The following SMAD2 variants were observed in gnomAD, a reference collection of about 807,000 sequenced individuals.
SMAD2 encodes MAD homolog 2.
A neutral mutation model predicts 64.4 loss-of-function variants in SMAD2; 8 were observed. The ratio of observed to expected loss-of-function variants is 0.12; its 90% CI spans 0.07 to 0.22. The LOEUF (loss-of-function observed/expected upper bound fraction) is 0.22, where lower values mean the gene tolerates loss of function less well. SMAD2 is among the 10% of genes least tolerant of loss of function. SMAD2 has a pLI of 1.00. For missense variants in SMAD2, 289 were observed against 561.2 expected (o/e 0.51, Z 4.90); for synonymous variants, 203 against 195.8 (o/e 1.04, Z -0.31).
intron 2 of SMAD2, among the ~76,000 whole-genome samples, chr18:47,877,755 AT>A (rs71162899): frequency 6.6e-6 from 1 of 152,114 alleles, no homozygotes; most frequent in Non-Finnish European, 1.5e-5. Flanking sequence ...GGTGCAAATG[AT>A]TTTTTAAGTT....
chr18:47,930,131 G>C (rs953683425), intron 1 of SMAD2: 2 of 152,346 alleles, frequency 1.3e-5, no homozygotes, highest in Non-Finnish European at 2.9e-5. Context: ...AAGGGACGCA[G>C]GCAGCCCCCG....
chr18:47,882,745 C>T (rs2032681728), intron 2 of SMAD2, among the ~76,000 whole-genome samples: 1 of 152,144 alleles, frequency 6.6e-6, no homozygotes, highest in African/African-American at 2.4e-5. Context: ...CCATGTGGGC[C>T]TGAAGTTTCC....
At chr18:47,927,173 C>G (rs1479162724) in intron 1 of SMAD2, among the ~76,000 whole-genome samples, 1 of 152,192 alleles carries the variant, frequency 6.6e-6, no homozygotes, top group Admixed American at 6.5e-5. Flanking sequence ...AAATTAAGGT[C>G]AGATGAAGCT....
intron 2 of SMAD2, among the ~76,000 whole-genome samples, chr18:47,877,513 A>G (rs989438152): frequency 6.6e-6 from 1 of 152,158 alleles, no homozygotes; most frequent in African/African-American, 2.4e-5. Context: ...GTGTGGCTGT[A>G]TATTTTATCT....
In SMAD2 at chr18:47,829,288, CATCT is replaced by C. The variant is rs1568017009; in HGVS notation, c.*12535_*12538del. Reference sequence around the variant, plus strand: ...TCAATGTCCTATTCATTCATACCTCCATCTACTTCCTCTGTCACATACTATTTTG... The same window carrying C: ...TCAATGTCCTATTCATTCATACCTCCACTTCCTCTGTCACATACTATTTTG... On this transcript the variant is annotated 3_prime_UTR_variant, in exon 11 of 11. Coordinates refer to ENST00000262160, the MANE Select transcript of SMAD2 (RefSeq NM_005901.6). 6.6e-6 allele frequency: 1 copy of C among 152,160 alleles called. No homozygotes were observed. Among genetic ancestry groups the C allele is most frequent in the African/African-American group, 2.4e-5 (1 of 41,430 alleles). 9.4% of individuals were successfully genotyped at this position (152,160 alleles called of 1,614,324 possible). A position where few individuals can be genotyped will look rare whatever the true frequency, so the allele number is the denominator to read the frequency against.
At chr18:47,846,477 CTGT>C (rs1333770227) in intron 8 of SMAD2, among the ~76,000 whole-genome samples, 3 of 152,140 alleles carry the variant, frequency 2.0e-5, no homozygotes, top group Admixed American at 2.0e-4. Flanking sequence ...CTAGGTGCTG[CTGT>C]TAAGGATTTT....
rs538642649 is a variant in SMAD2, at chr18:47,834,875, C to T, written c.*6952G>A. 41 of 222,390 alleles carry T rather than the reference C, an allele frequency of 1.8e-4. No individual in the cohort carries two copies. Among genetic ancestry groups the T allele is most frequent in the African/African-American group, 8.9e-4 (40 of 44,842 alleles). The allele number at this position is 222,390 out of a possible 1,614,324, so 13.8% of individuals were successfully genotyped here. A position where few individuals can be genotyped will look rare whatever the true frequency, so the allele number is the denominator to read the frequency against. On this transcript the variant is annotated 3_prime_UTR_variant, in exon 11 of 11. Coordinates refer to ENST00000262160, the MANE Select transcript of SMAD2 (RefSeq NM_005901.6). The stretch of plus-strand genomic sequence containing the variant: ...TTCTATGCCAACTGTTTTCCACAGT[C>T]CTGCATTATATATTAAAACAAAGGC...
intron 10 of SMAD2, among the ~76,000 whole-genome samples, chr18:47,844,275 A>T (rs906601417): frequency 6.6e-6 from 1 of 152,170 alleles, no homozygotes; most frequent in African/African-American, 2.4e-5. Context: ...GACAAAACTT[A>T]AGATAGACAA....
chr18:47,874,863 A>C (rs747600552), intron 2 of SMAD2, among the ~76,000 whole-genome samples: 1 of 152,164 alleles, frequency 6.6e-6, no homozygotes, highest in Non-Finnish European at 1.5e-5. Context: ...TTTTTGAGCC[A>C]TGTGAATGTA....
Position 47,832,127 on chromosome 18 carries a change from G to C in SMAD2, c.*9700C>G, listed in dbSNP as rs1300340443. On this transcript the variant is annotated 3_prime_UTR_variant, in exon 11 of 11. Transcript: ENST00000262160. Reference sequence around the variant, plus strand: ...AAGAGGGAAAAACAGAATATGCCAAGTGGGGAGACAGCCCAAACATAGACC... The same window carrying C: ...AAGAGGGAAAAACAGAATATGCCAACTGGGGAGACAGCCCAAACATAGACC... The C allele has an allele frequency of 6.6e-6, 1 of 152,216 alleles. No individual in the cohort carries two copies. Among genetic ancestry groups the C allele is most frequent in the Non-Finnish European group, 1.5e-5 (1 of 68,046 alleles). 9.4% of individuals were successfully genotyped at this position (152,216 alleles called of 1,614,324 possible).
chr18:47,928,251 A>G (rs1261698184), intron 1 of SMAD2, among the ~76,000 whole-genome samples: 2 of 152,194 alleles, frequency 1.3e-5, no homozygotes, highest in Non-Finnish European at 2.9e-5. Context: ...AAAGCACAAA[A>G]CCAACAGAAT....
rs1213226518 is a variant in SMAD2 at position 47,815,821 on chromosome 18, A to T, written c.*26006T>A. The T allele has an allele frequency of 2.6e-5, 4 of 152,178 alleles. No individual in the cohort carries two copies. The highest frequency in any genetic ancestry group is 5.9e-5 in the Non-Finnish European group (4 of 68,048). The allele number at this position is 152,178 out of a possible 1,614,324, so 9.4% of individuals were successfully genotyped here. A position where few individuals can be genotyped will look rare whatever the true frequency, so the allele number is the denominator to read the frequency against. On this transcript the variant is annotated 3_prime_UTR_variant, in exon 11 of 11. Coordinates refer to ENST00000262160, the MANE Select transcript of SMAD2 (RefSeq NM_005901.6). ...AATTTTCCTGTTGTCTTAACAGAGG[A>T]TTTACTGAGCCCATGTATGCTGTAG...
rs2031698640 is a variant in SMAD2 at position 47,868,118 on chromosome 18, T to C, written c.655+205A>G. ...AGTCACTGCAAAAGAAAATGAAATA[T>C]AAAGTAAAACTCTTCTCCAAACAAA... On this transcript the variant is annotated intron_variant, in intron 5 of 10. Transcript: ENST00000262160. 15 of 554,960 alleles carry C rather than the reference T, an allele frequency of 2.7e-5. No individual in the cohort carries two copies. In the South Asian group the frequency reaches 3.2e-4, roughly 12 times the overall value. 34.4% of individuals were successfully genotyped at this position (554,960 alleles called of 1,614,324 possible).
chr18:47,849,501 A>G (rs1184851350), intron 7 of SMAD2, among the ~76,000 whole-genome samples: 1 of 151,794 alleles, frequency 6.6e-6, no homozygotes, highest in Non-Finnish European at 1.5e-5. Context: ...ATATATATAT[A>G]TATATATAGT....
At chr18:47,903,978 A>G (rs1241042897) in intron 1 of SMAD2, among the ~76,000 whole-genome samples, 1 of 151,748 alleles carries the variant, frequency 6.6e-6, no homozygotes, top group Admixed American at 6.6e-5. Flanking sequence ...AAAATGTATG[A>G]AGAGATAATG....
chr18:47,892,419 G>A (rs952942804), intron 2 of SMAD2, among the ~76,000 whole-genome samples: 44 of 152,168 alleles, frequency 2.9e-4, no homozygotes, highest in African/African-American at 9.1e-4. Context: ...AGGCTAGTCT[G>A]AAACTCCTGA....
chr18:47,857,801 T>C (rs1353882720), intron 6 of SMAD2, among the ~76,000 whole-genome samples: 2 of 152,230 alleles, frequency 1.3e-5, no homozygotes, highest in African/African-American at 2.4e-5. Context: ...AGAGCTCCTC[T>C]TCACCAGTCA....
intron 1 of SMAD2, among the ~76,000 whole-genome samples, chr18:47,908,963 A>C (rs1377594798): frequency 6.6e-6 from 1 of 152,148 alleles, no homozygotes; most frequent in African/African-American, 2.4e-5. Flanking sequence ...AAATCATGAC[A>C]TTACAAGAAA....
rs756278803 is a variant in SMAD2, at chr18:47,865,129, C to A, written c.660G>T (p.Thr220=). ...CTTCACTGATATATCCAGGAGGTGG[C>A]GTTTCTACAAAAGTTTAAAACAAAT... ...IEPQSNYIPE[T]PPPGYISEDG... Residue 220 remains threonine, a synonymous_variant, in exon 6 of 11, where the codon ACG becomes ACT. Coordinates refer to ENST00000262160, the MANE Select transcript of SMAD2 (RefSeq NM_005901.6). 4.4e-6 allele frequency: 7 copies of A among 1,601,360 alleles called. No individual in the cohort carries two copies. Among genetic ancestry groups the A allele is most frequent in the Non-Finnish European group, 6.0e-6 (7 of 1,168,770 alleles).
Sources: gnomAD v4.1 joint callset for allele counts (sites outside exome capture counted in the v4.1 genomes callset) on GRCh38, gnomAD v4.1.1 for gene constraint, MANE v1.5 for transcripts, NCBI Gene and HGNC (gene_info 2026-07-23, HGNC 2026-07-21) for gene names.